The following PDE1A variants were observed in gnomAD, a reference collection of about 807,000 sequenced individuals.
PDE1A encodes phosphodiesterase 1A.
In PDE1A, 35 loss-of-function variants were observed where a neutral mutation model predicts 61.7. The ratio of observed to expected loss-of-function variants is 0.57; its 90% CI spans 0.43 to 0.75. The LOEUF (loss-of-function observed/expected upper bound fraction) is 0.75. Among genes scored for constraint, PDE1A ranks in the 30% least tolerant of loss-of-function variants. The pLI is 0.00. For missense variants in PDE1A, 597 were observed against 630.6 expected, an observed-to-expected ratio of 0.95 and a Z score of 0.57; for synonymous variants, 232 against 213.2, an observed-to-expected ratio of 1.09 and a Z score of -0.77.
At chr2:182,512,071 T>C (rs1689833665) in intron 2 of PDE1A, among the ~76,000 whole-genome samples, 1 of 151,610 alleles carries the variant, frequency 6.6e-6, no homozygotes, top group African/African-American at 2.4e-5. Context: ...CATCCCATTG[T>C]CACTGGTGAA....
At chr2:182,425,267 T>C (rs1703540187) in intron 1 of PDE1A, among the ~76,000 whole-genome samples, 1 of 152,192 alleles carries the variant, frequency 6.6e-6, no homozygotes, top group Non-Finnish European at 1.5e-5. Flanking sequence ...TTTAGAATCA[T>C]CTGGGCAACT....
chr2:182,563,994 T>A, the PDE1A span, among the ~76,000 whole-genome samples: 1 of 152,146 alleles, frequency 6.6e-6, no homozygotes, highest in African/African-American at 2.4e-5. Flanking sequence ...CTGATGGGTC[T>A]TGACTCTTTA....
chr2:182,666,476 C>T, the PDE1A span, among the ~76,000 whole-genome samples: 11 of 151,750 alleles, frequency 7.2e-5, no homozygotes, highest in African/African-American at 2.2e-4. Context: ...GGTGTGGTGG[C>T]GCATGCCTGT....
At chr2:182,590,166 T>C in the PDE1A span, among the ~76,000 whole-genome samples, 2 of 152,144 alleles carry the variant, frequency 1.3e-5, no homozygotes, top group Admixed American at 1.3e-4. Flanking sequence ...CAGAGGAGAC[T>C]GAAATGTGTA....
At position 182,185,914 on chromosome 2, in the gene PDE1A, C is replaced by T. The variant is rs1685161966; in HGVS notation, c.1494G>A (p.Arg498=). Residue 498 remains arginine, a synonymous_variant, in exon 13 of 14, where the codon AGG becomes AGA. Transcript: ENST00000351439. ...TACCTTGTGCAGCTAACTCTTTCCA[C>T]CTCTCTTTGTTCTGCTGAATGATGT... is the stretch of plus-strand genomic sequence containing the variant. 5 of 1,613,866 alleles carry T rather than the reference C, an allele frequency of 3.1e-6. No homozygotes were observed. In the South Asian group the frequency reaches 3.3e-5, roughly 11 times the overall value.
intron 2 of PDE1A, among the ~76,000 whole-genome samples, chr2:182,432,607 T>C (rs1379284835): frequency 6.6e-6 from 1 of 152,106 alleles, no homozygotes; most frequent in Admixed American, 6.6e-5. Context: ...AAAGTGATCA[T>C]TAATGCTATC....
the PDE1A span, among the ~76,000 whole-genome samples, chr2:182,582,538 A>G: frequency 6.6e-6 from 1 of 152,268 alleles, no homozygotes; most frequent in Non-Finnish European, 1.5e-5. Flanking sequence ...GACTTGATCA[A>G]TATGTGAGAT....
intron 1 of PDE1A, among the ~76,000 whole-genome samples, chr2:182,337,544 A>G (rs1457564489): frequency 6.6e-6 from 1 of 152,122 alleles, no homozygotes; most frequent in African/African-American, 2.4e-5. Context: ...AGAATCTAGA[A>G]ATTAGCTTTT....
intron 1 of PDE1A, among the ~76,000 whole-genome samples, chr2:182,387,914 G>T (rs1388603220): frequency 6.6e-6 from 1 of 152,100 alleles, no homozygotes; most frequent in Non-Finnish European, 1.5e-5. Flanking sequence ...GATAAAAAAA[G>T]ACCCAAGTAT....
rs1358018382 is a variant in PDE1A at position 182,258,048 on chromosome 2, G to A, written c.167+6253C>T. On this transcript the variant is annotated intron_variant, in intron 2 of 13. Coordinates refer to ENST00000351439, the Ensembl canonical transcript of PDE1A. ...CTGGGTGTGGTGGCAGGCACCTGTA[G>A]TCCCAGCTACGCGGGAGGCTGAGGC... is the stretch of plus-strand genomic sequence containing the variant. Among the ~76,000 whole-genome samples, 7 of 152,104 alleles carry A rather than the reference G, an allele frequency of 4.6e-5. No individual in the cohort carries two copies. In the South Asian group the frequency reaches 1.5e-3, roughly 32 times the overall value.
chr2:182,248,512 G>T (rs2623420), intron 2 of PDE1A, among the ~76,000 whole-genome samples: 1 of 152,094 alleles, frequency 6.6e-6, no homozygotes, highest in East Asian at 1.9e-4. Flanking sequence ...CTAATCCTTC[G>T]GAGCTATTTA....
the PDE1A span, among the ~76,000 whole-genome samples, chr2:182,558,263 A>G: frequency 6.6e-6 from 1 of 151,958 alleles, no homozygotes; most frequent in East Asian, 1.9e-4. Context: ...GTACACCAAA[A>G]GAGTCTACAA....
Position 182,277,183 on chromosome 2 carries a change from C to T in PDE1A, c.54-12769G>A, listed in dbSNP as rs1448648900. On this transcript the variant is annotated intron_variant, in intron 1 of 13. Coordinates refer to ENST00000351439, the Ensembl canonical transcript of PDE1A. Reference sequence around the variant, plus strand: ...TGATCTTTGTGACCTAATCCCTCTTCGTACATACCATCCCCCTTTGAAATC... The same window carrying T: ...TGATCTTTGTGACCTAATCCCTCTTTGTACATACCATCCCCCTTTGAAATC... Among the ~76,000 whole-genome samples, 12 of 152,124 alleles carry T rather than the reference C, an allele frequency of 7.9e-5. 1 individual carries two copies. In the South Asian group the frequency reaches 1.7e-3, roughly 21 times the overall value.
intron 13 of PDE1A, among the ~76,000 whole-genome samples, chr2:182,151,633 T>C (rs1295174952): frequency 6.6e-6 from 1 of 152,202 alleles, no homozygotes; most frequent in East Asian, 1.9e-4. Flanking sequence ...GCTTACCTAA[T>C]ATTTTTCTTT....
chr2:182,208,597 G>A (rs1221589837), intron 7 of PDE1A, among the ~76,000 whole-genome samples: 2 of 152,174 alleles, frequency 1.3e-5, no homozygotes, highest in Non-Finnish European at 2.9e-5. Flanking sequence ...CTTGCACTGT[G>A]CACATGGAAA....
chr2:182,520,013 G>C (rs1156408041), intron 2 of PDE1A, among the ~76,000 whole-genome samples: 2 of 151,892 alleles, frequency 1.3e-5, no homozygotes, highest in Non-Finnish European at 2.9e-5. Context: ...ACAATTGTTT[G>C]ATAGGTTTAA....
the PDE1A span, among the ~76,000 whole-genome samples, chr2:182,580,989 T>C: frequency 2.6e-5 from 4 of 152,270 alleles, no homozygotes; most frequent in African/African-American, 9.6e-5. Flanking sequence ...CTGAAATACC[T>C]TACCATCCTA....
intron 13 of PDE1A, among the ~76,000 whole-genome samples, chr2:182,180,191 TTG>T (rs1271134308): frequency 3.3e-5 from 5 of 152,206 alleles, no homozygotes; most frequent in African/African-American, 9.6e-5. Context: ...TAGCTTATCA[TTG>T]TTTCATTTTT....
rs919886451 is a variant in PDE1A, at chr2:182,418,315, G to A, written c.53+8263C>T. Among the ~76,000 whole-genome samples, 7 of 152,210 alleles carry A rather than the reference G, an allele frequency of 4.6e-5. 1 individual carries two copies. The South Asian group carries it at 6.2e-4, about 14-fold the overall frequency. On this transcript the variant is annotated intron_variant, in intron 1 of 13. Coordinates refer to ENST00000351439, the Ensembl canonical transcript of PDE1A. ...TGGGAAAATGTGGGCAGTCATTACG[G>A]GTGTAATAGCTCATGTTTTAGGGCA...
Sources: gnomAD v4.1 joint callset for allele counts (sites outside exome capture counted in the v4.1 genomes callset) on GRCh38, gnomAD v4.1.1 for gene constraint, MANE v1.5 for transcripts, NCBI Gene and HGNC (gene_info 2026-07-23, HGNC 2026-07-21) for gene names.